Variants in SEPTIN9 observed in about 807,000 individuals in gnomAD.
SEPTIN9 encodes the protein septin 9, also known as septin-9.
In SEPTIN9, 13 loss-of-function variants were observed where a neutral mutation model predicts 56.6. The ratio of observed to expected loss-of-function variants is 0.23; its 90% CI spans 0.15 to 0.37. SEPTIN9 has a LOEUF of 0.37. Ranked by LOEUF, SEPTIN9 falls within the 10% of genes least tolerant of loss-of-function variation. The pLI is 1.00. For synonymous variants in SEPTIN9, 332 were observed against 334.1 expected (o/e 0.99, Z 0.07); for missense variants, 650 against 823.1 (o/e 0.79, Z 2.57).
At chr17:77,384,261 G>C (rs967739104) in intron 2 of SEPTIN9, among the ~76,000 whole-genome samples, 1 of 152,200 alleles carries the variant, frequency 6.6e-6, no homozygotes, top group Non-Finnish European at 1.5e-5. Flanking sequence ...ACCTCGGGCA[G>C]GTTTTGGGAC....
At chr17:77,328,814 A>G (rs1334218266) in intron 2 of SEPTIN9, among the ~76,000 whole-genome samples, 1 of 152,172 alleles carries the variant, frequency 6.6e-6, no homozygotes, top group Non-Finnish European at 1.5e-5. Flanking sequence ...GCAAATCCAT[A>G]GGTGGTTTTA....
chr17:77,308,770 T>C (rs1028237512), intron 2 of SEPTIN9, among the ~76,000 whole-genome samples: 1 of 152,142 alleles, frequency 6.6e-6, no homozygotes, highest in Admixed American at 6.5e-5. Context: ...CAGAGGTGGA[T>C]GCAGTGCCCG....
chr17:77,437,821 C>T lies in SEPTIN9; in HGVS notation c.721+35118C>T, dbSNP rs1171193316. On this transcript the variant is annotated intron_variant, in intron 3 of 11. Coordinates refer to ENST00000427177, the MANE Select transcript of SEPTIN9 (RefSeq NM_001113491.2). This position sits in a 1 kb window ranked among gnomAD's most constrained non-coding sequence, Gnocchi z 5.3. ...TTTCGGGTACATTCTCCTGTAGCCC[C>T]ACTCCCTGTAAGAAAGTCAGGTGCC... Among the ~76,000 whole-genome samples, 1 of 152,230 alleles carries T rather than the reference C, an allele frequency of 6.6e-6. No homozygotes were observed. The highest frequency in any genetic ancestry group is 1.5e-5 in the Non-Finnish European group (1 of 68,040).
At position 77,475,683 on chromosome 17, in the gene SEPTIN9, G is replaced by A. The variant is rs748643096; in HGVS notation, c.722-6461G>A. The stretch of plus-strand genomic sequence containing the variant: ...GTAAGGAGACTGCTGGGCCCACGCT[G>A]GGCCGGGGTGGATGGAGGCAAGGAA... On this transcript the variant is annotated intron_variant, in intron 3 of 11. Transcript: ENST00000427177. This position sits in a 1 kb window ranked among gnomAD's most constrained non-coding sequence, Gnocchi z 4.6. 3.7e-6 allele frequency: 6 copies of A among 1,613,616 alleles called. No homozygotes were observed. In the African/African-American group the frequency reaches 6.7e-5, roughly 18 times the overall value.
At chr17:77,423,879 G>C (rs1001466023) in intron 3 of SEPTIN9, among the ~76,000 whole-genome samples, 1 of 152,182 alleles carries the variant, frequency 6.6e-6, no homozygotes, top group African/African-American at 2.4e-5. Context: ...CATGTGCTCT[G>C]GAAGCAGGTG....
intron 1 of SEPTIN9, among the ~76,000 whole-genome samples, chr17:77,297,509 G>A (rs1466091215): frequency 6.6e-6 from 1 of 152,150 alleles, no homozygotes; most frequent in Non-Finnish European, 1.5e-5. Flanking sequence ...CAGCCAAACT[G>A]ACACCTGCCG....
At chr17:77,292,154 C>T (rs2031588173) in intron 1 of SEPTIN9, among the ~76,000 whole-genome samples, 1 of 152,200 alleles carries the variant, frequency 6.6e-6, no homozygotes, top group South Asian at 2.1e-4. Context: ...TGGGCCACCT[C>T]TCCTGGCCGT....
At chr17:77,395,022 A>T (rs2035658611) in intron 2 of SEPTIN9, among the ~76,000 whole-genome samples, 1 of 151,132 alleles carries the variant, frequency 6.6e-6, no homozygotes, top group Admixed American at 6.6e-5. Context: ...GCCAGCATGC[A>T]GTTACCCACA....
chr17:77,482,512 A>G (rs1568108684), intron 4 of SEPTIN9, 177 bp downstream of exon 4: 1 of 743,810 alleles, frequency 1.3e-6, no homozygotes, highest in Admixed American at 2.0e-5. Context: ...GGAGGAGCCC[A>G]CAGCCTCCAG....
At chr17:77,312,435 C>G (rs1159336283) in intron 2 of SEPTIN9, among the ~76,000 whole-genome samples, 1 of 152,200 alleles carries the variant, frequency 6.6e-6, no homozygotes, top group Non-Finnish European at 1.5e-5. Flanking sequence ...TCGGGCCCCC[C>G]CTGGATGGGT....
At position 77,493,969 on chromosome 17, in the gene SEPTIN9, C is replaced by T. The variant is rs981598728; in HGVS notation, c.1573+893C>T. ...TGTATTTTTAGTAGAGACAGGATTT[C>T]GCCATGTTGGCCAGGCTGGTCTTAA... On this transcript the variant is annotated intron_variant, in intron 10 of 11. Coordinates refer to ENST00000427177, the MANE Select transcript of SEPTIN9 (RefSeq NM_001113491.2). Among the ~76,000 whole-genome samples the T allele has an allele frequency of 7.0e-4, 106 of 152,216 alleles. 2 individuals are homozygous for T. The highest frequency in any genetic ancestry group is 3.8e-3 in the Admixed American group (58 of 15,292).
intron 2 of SEPTIN9, among the ~76,000 whole-genome samples, chr17:77,395,990 C>T (rs771738980): frequency 1.3e-5 from 2 of 152,204 alleles, no homozygotes; most frequent in Admixed American, 6.5e-5. Flanking sequence ...GAACGGTCTT[C>T]AGGCTTTTGG....
At position 77,487,408 on chromosome 17, in the gene SEPTIN9, C is replaced by T; in HGVS notation, c.914-16C>T. ...CTCCGGAGAGACCCCTGACCGGCCTCCCATCCTCTCCCCAGGGCAGAGCGG... is the reference window on the plus strand; with the variant it reads ...CTCCGGAGAGACCCCTGACCGGCCTTCCATCCTCTCCCCAGGGCAGAGCGG... On this transcript the variant is annotated splice_polypyrimidine_tract_variant and intron_variant, in intron 4 of 11. Coordinates refer to ENST00000427177, the MANE Select transcript of SEPTIN9 (RefSeq NM_001113491.2). The surrounding 1 kb of genome is among the most constrained non-coding windows in gnomAD (Gnocchi z 4.3). The T allele has an allele frequency of 6.3e-7, 1 of 1,590,848 alleles. No individual in the cohort carries two copies. The highest frequency in any genetic ancestry group is 8.6e-7 in the Non-Finnish European group (1 of 1,169,564).
At position 77,389,646 on chromosome 17, in the gene SEPTIN9, C is replaced by T. The variant is rs1026206568; in HGVS notation, c.77-12413C>T. 1.3e-5 allele frequency among the ~76,000 whole-genome samples: 2 copies of T among 152,066 alleles called. No homozygotes were observed. The highest frequency in any genetic ancestry group is 2.9e-5 in the Non-Finnish European group (2 of 68,008). On this transcript the variant is annotated intron_variant, in intron 2 of 11. Transcript: ENST00000427177. This position sits in a 1 kb window ranked among gnomAD's most constrained non-coding sequence, Gnocchi z 4.3. Reference sequence around the variant, plus strand: ...ACCCCCAGGCAGGCCACACCTAGACCCTCCCACACAGATCCGTCCCACCCT... The same window carrying T: ...ACCCCCAGGCAGGCCACACCTAGACTCTCCCACACAGATCCGTCCCACCCT...
intron 3 of SEPTIN9, among the ~76,000 whole-genome samples, chr17:77,462,338 C>A (rs1243043541): frequency 6.6e-6 from 1 of 151,914 alleles, no homozygotes; most frequent in Non-Finnish European, 1.5e-5. Context: ...ACTTCCTGGG[C>A]TCAAGCTGGG....
chr17:77,477,997 G>T (rs1220593104), intron 3 of SEPTIN9, among the ~76,000 whole-genome samples: 1 of 152,040 alleles, frequency 6.6e-6, no homozygotes, highest in East Asian at 1.9e-4. Context: ...CCGTCTTGCT[G>T]GAGCCCACGG....
chr17:77,414,727 G>GC (rs1315777882), intron 3 of SEPTIN9, among the ~76,000 whole-genome samples: 2 of 151,882 alleles, frequency 1.3e-5, no homozygotes, highest in Non-Finnish European at 2.9e-5. Flanking sequence ...ACAGGCCTGT[G>GC]CCACCATGCC....
chr17:77,394,800 G>A (rs937742336), intron 2 of SEPTIN9, among the ~76,000 whole-genome samples: 1 of 152,216 alleles, frequency 6.6e-6, no homozygotes, highest in Non-Finnish European at 1.5e-5. Flanking sequence ...ATGGTCCCTT[G>A]TGCGGCACAT....
chr17:77,391,280 T>C (rs563430415), intron 2 of SEPTIN9, among the ~76,000 whole-genome samples: 1 of 152,268 alleles, frequency 6.6e-6, no homozygotes, highest in South Asian at 2.1e-4. Flanking sequence ...TTCTTTTCTG[T>C]GTTCTGTTCC....
Sources: gnomAD v4.1 joint callset for allele counts (sites outside exome capture counted in the v4.1 genomes callset) on GRCh38, gnomAD v4.1.1 for gene constraint, Gnocchi (gnomAD v3.1) non-coding constraint, MANE v1.5 for transcripts, NCBI Gene and HGNC (gene_info 2026-07-23, HGNC 2026-07-21) for gene names.